The following CUEDC1 variants were observed in gnomAD, a reference collection of about 807,000 sequenced individuals.
CUEDC1 encodes CUE domain-containing protein 1.
Under a neutral mutation model 43.7 loss-of-function variants are expected in CUEDC1, and 30 were observed. The ratio of observed to expected loss-of-function variants is 0.69; its 90% confidence interval spans 0.51 to 0.93. The LOEUF (loss-of-function observed/expected upper bound fraction) is 0.93, where lower values mean the gene tolerates loss of function less well. CUEDC1 is among the 40% of genes least tolerant of loss of function. The pLI is 0.00. For synonymous variants in CUEDC1, 223 were observed against 223.6 expected (o/e 1.00, Z 0.02); for missense variants, 486 against 549.0 (o/e 0.89, Z 1.15).
intron 1 of CUEDC1, among the ~76,000 whole-genome samples, chr17:57,925,118 TAA>T (rs11413908): frequency 1.2e-4 from 17 of 142,852 alleles, no homozygotes; most frequent in Non-Finnish European, 1.1e-4. Context: ...TTGTGCACAT[TAA>T]AAAAAAAAAA....
chr17:57,877,490 C>T (rs760064670), intron 3 of CUEDC1, among the ~76,000 whole-genome samples: 8 of 151,016 alleles, frequency 5.3e-5, no homozygotes, highest in Admixed American at 1.3e-4. Context: ...AATCCTTTCT[C>T]TTATGGCCTC....
intron 1 of CUEDC1, among the ~76,000 whole-genome samples, chr17:57,905,290 A>ACACT (rs1007711626): frequency 6.9e-6 from 1 of 145,582 alleles, no homozygotes; most frequent in African/African-American, 2.5e-5. Context: ...ACACACACAC[A>ACACT]CTCCAGCCTG....
At chr17:57,870,850 G>C (rs1474727178) in intron 6 of CUEDC1, among the ~76,000 whole-genome samples, 1 of 152,026 alleles carries the variant, frequency 6.6e-6, no homozygotes, top group Non-Finnish European at 1.5e-5. Flanking sequence ...CTAATTTTTA[G>C]TACTTTTTTG....
chr17:57,938,893 C>G (rs1348650236), intron 1 of CUEDC1, among the ~76,000 whole-genome samples: 3 of 150,642 alleles, frequency 2.0e-5, no homozygotes, highest in South Asian at 4.2e-4. Context: ...AACTTCTGAC[C>G]TCAGGTGATC....
chr17:57,932,655 A>C (rs1488703215), intron 1 of CUEDC1, among the ~76,000 whole-genome samples: 1 of 148,956 alleles, frequency 6.7e-6, no homozygotes, highest in African/African-American at 2.5e-5. Context: ...TGAGGTCAGG[A>C]GTTCCAGATC....
intron 1 of CUEDC1, among the ~76,000 whole-genome samples, chr17:57,887,445 A>C (rs112539295): frequency 2.8e-4 from 43 of 152,088 alleles, no homozygotes; most frequent in African/African-American, 1.0e-3. Context: ...ACAGGTGCAA[A>C]CTTGTTTTCA....
intron 1 of CUEDC1, among the ~76,000 whole-genome samples, chr17:57,934,082 G>A (rs890818061): frequency 6.6e-6 from 1 of 152,040 alleles, no homozygotes; most frequent in African/African-American, 2.4e-5. Context: ...GCAACATAGT[G>A]AGACCTCTTC....
chr17:57,900,117 AGCTGGG>A (rs1213652455), intron 1 of CUEDC1, among the ~76,000 whole-genome samples: 2 of 152,252 alleles, frequency 1.3e-5, no homozygotes, highest in African/African-American at 4.8e-5. Flanking sequence ...ACCTCAGGCC[AGCTGGG>A]GCTGGTAGCC....
intron 1 of CUEDC1, among the ~76,000 whole-genome samples, chr17:57,917,080 A>C (rs1318001267): frequency 4.6e-5 from 7 of 152,222 alleles, no homozygotes; most frequent in Admixed American, 2.6e-4. Flanking sequence ...AATAGGGAGG[A>C]CATGGGAACC....
At position 57,868,191 on chromosome 17, in the gene CUEDC1, T is replaced by C. The variant is rs144042542; in HGVS notation, c.993A>G (p.Lys331=). 1,167 of 1,614,158 alleles carry C rather than the reference T, an allele frequency of 7.2e-4. 9 individuals carry two copies. The African/African-American group carries it at 0.014, about 19-fold the overall frequency. The change falls in exon 8 of 11, where the codon AAA becomes AAG. Residue 331 remains lysine (K), a synonymous_variant. Coordinates refer to ENST00000577830, the MANE Select transcript of CUEDC1 (RefSeq NM_001271875.2). ...AGTGTTTCCTCTTTGACTTCCTCAT[T>C]TTGGTCTTCTCTGAGAAGGCTCGGG... ...ELARAFSEKT[K]MRKSKRKHLL...
intron 1 of CUEDC1, among the ~76,000 whole-genome samples, chr17:57,923,739 T>G (rs2074718735): frequency 6.6e-6 from 1 of 152,166 alleles, no homozygotes; most frequent in Non-Finnish European, 1.5e-5. Context: ...CCCTTCTGGC[T>G]TTGAGGTTGG....
Position 57,871,146 on chromosome 17 carries a change from G to A in CUEDC1, c.868+140C>T, listed in dbSNP as rs376529907. On this transcript the variant is annotated intron_variant, in intron 6 of 10. Transcript: ENST00000577830. ...TGGAGATGGGGGCAGAAGCAGCCCC[G>A]CCAGCCTGCTGAGGAGGCCCAGGCC... 1,055 of 694,690 alleles carry A rather than the reference G, an allele frequency of 1.5e-3. 21 individuals are homozygous for A. In the South Asian group the frequency reaches 0.016, roughly 11 times the overall value. 43.0% of individuals were successfully genotyped at this position (694,690 alleles called of 1,614,324 possible).
chr17:57,869,297 T>C, intron 6 of CUEDC1, 104 bp from the exon 7 acceptor site: 1 of 984,060 alleles, frequency 1.0e-6, no homozygotes, highest in Non-Finnish European at 1.6e-6. Flanking sequence ...AGAGCAGGCT[T>C]CTTCCCTGGC....
chr17:57,938,708 G>A (rs137970719), intron 1 of CUEDC1, among the ~76,000 whole-genome samples: 1,929 of 151,992 alleles, frequency 0.013, 36 homozygotes, highest in African/African-American at 0.044. Flanking sequence ...TGTTGCACAG[G>A]CTGGAGTGCA....
At chr17:57,945,351 A>G (rs1224595026) in intron 1 of CUEDC1, among the ~76,000 whole-genome samples, 2 of 152,250 alleles carry the variant, frequency 1.3e-5, no homozygotes, top group Non-Finnish European at 2.9e-5. Context: ...CTAGTAAATA[A>G]TATTTGTGGA....
chr17:57,893,375 T>TGTGTGTGTGTGTGTGTGTGTGTGTG (rs1282571425), intron 1 of CUEDC1, among the ~76,000 whole-genome samples: 1 of 106,348 alleles, frequency 9.4e-6, no homozygotes, highest in Non-Finnish European at 2.3e-5. Context: ...GTGTGTGTGT[T>TGTGTGTGTGTGTGTGTGTGTGTGTG]TCAGGCAGCC....
chr17:57,873,016 C>T (rs563662318), intron 4 of CUEDC1, among the ~76,000 whole-genome samples, 161 bp from the exon 5 acceptor site: 94 of 152,354 alleles, frequency 6.2e-4, no homozygotes, highest in African/African-American at 1.9e-3. Context: ...CAAAATCCAA[C>T]GGACAGGTCA....
At chr17:57,878,253 G>A (rs2074154752) in intron 3 of CUEDC1, among the ~76,000 whole-genome samples, 1 of 152,222 alleles carries the variant, frequency 6.6e-6, no homozygotes, top group Non-Finnish European at 1.5e-5. Flanking sequence ...TCTTGGGGAA[G>A]TTATGAAATC....
intron 10 of CUEDC1, 94 bp downstream of exon 10, chr17:57,866,380 G>T: frequency 8.3e-7 from 1 of 1,202,458 alleles, no homozygotes; most frequent in Non-Finnish European, 1.2e-6. Flanking sequence ...CCTGAGCCCA[G>T]CGCCTCTGGA....
Sources: allele counts gnomAD v4.1 joint callset (sites outside exome capture counted in the v4.1 genomes callset), GRCh38; gene constraint gnomAD v4.1.1; transcripts MANE v1.5; gene names NCBI Gene and HGNC (gene_info 2026-07-23, HGNC 2026-07-21).